Variants in PRKAG2 observed in about 807,000 individuals in gnomAD.
PRKAG2 encodes the protein protein kinase AMP-activated non-catalytic subunit gamma 2, also known as 5'-AMP-activated protein kinase subunit gamma-2.
PRKAG2 carries 26 observed loss-of-function variants against 69.6 expected under a neutral mutation model. The ratio of observed to expected loss-of-function variants is 0.37; its 90% CI spans 0.27 to 0.52. The LOEUF is 0.52. PRKAG2 is among the 20% of genes least tolerant of loss of function. The pLI is 0.90. For synonymous variants in PRKAG2, 293 were observed against 285.0 expected (o/e 1.03, Z -0.28); for missense variants, 557 against 740.0 (o/e 0.75, Z 2.87).
In PRKAG2 at chr7:151,777,424, G is replaced by T. The variant is rs1486833051; in HGVS notation, c.466+3728C>A. Among the ~76,000 whole-genome samples, 2 of 152,162 alleles carry T rather than the reference G, an allele frequency of 1.3e-5. No individual in the cohort carries two copies. The highest frequency in any genetic ancestry group is 4.8e-5 in the African/African-American group (2 of 41,412). On this transcript the variant is annotated intron_variant, in intron 3 of 15. Transcript: ENST00000287878. The surrounding 1 kb of genome is among the most constrained non-coding windows in gnomAD (Gnocchi z 4.3). ...GGTGGGGCCCCGTGGGAGGTGTTTG[G>T]GTCCTGGGGGCAGATGCCTCATGAA...
intron 14 of PRKAG2, among the ~76,000 whole-genome samples, chr7:151,562,050 G>A (rs1017934248): frequency 7.9e-5 from 12 of 151,406 alleles, no homozygotes; most frequent in Admixed American, 6.6e-5. Flanking sequence ...CTCGAGACCA[G>A]CCTGACCAAC....
At chr7:151,744,073 A>AC (rs2151719468) in intron 3 of PRKAG2, among the ~76,000 whole-genome samples, 1 of 152,226 alleles carries the variant, frequency 6.6e-6, no homozygotes, top group East Asian at 1.9e-4. Flanking sequence ...GAGCACGGTC[A>AC]CCCCTGCTTC....
At chr7:151,609,653 G>C (rs370214947) in intron 5 of PRKAG2, among the ~76,000 whole-genome samples, 2 of 152,064 alleles carry the variant, frequency 1.3e-5, no homozygotes, top group Admixed American at 6.5e-5. Flanking sequence ...TAGACGCCCC[G>C]AGAAGCAGAG....
In PRKAG2 at chr7:151,836,664, G is replaced by A. The variant is rs994411370; in HGVS notation, c.114+39843C>T. 1.3e-5 allele frequency among the ~76,000 whole-genome samples: 2 copies of A among 152,136 alleles called. No individual in the cohort carries two copies. Among genetic ancestry groups the A allele is most frequent in the South Asian group, 2.1e-4 (1 of 4,820 alleles). On this transcript the variant is annotated intron_variant, in intron 1 of 15. Coordinates refer to ENST00000287878, the MANE Select transcript of PRKAG2 (RefSeq NM_016203.4). The surrounding 1 kb of genome is among the most constrained non-coding windows in gnomAD (Gnocchi z 4.1). Reference sequence around the variant, plus strand: ...CCTCCTGTCTGGGTGCAGCCTTAGCGGGGCACAGGAGGGCGTGTATGCGGG... The same window carrying A: ...CCTCCTGTCTGGGTGCAGCCTTAGCAGGGCACAGGAGGGCGTGTATGCGGG...
At chr7:151,812,128 G>A (rs1286021076) in intron 1 of PRKAG2, among the ~76,000 whole-genome samples, 2 of 152,176 alleles carry the variant, frequency 1.3e-5, no homozygotes, top group Admixed American at 6.5e-5. Context: ...AAGAGGTAAC[G>A]TAGAGACAGA....
At chr7:151,863,985 C>T (rs1290093142) in intron 1 of PRKAG2, among the ~76,000 whole-genome samples, 1 of 152,072 alleles carries the variant, frequency 6.6e-6, no homozygotes, top group African/African-American at 2.4e-5. Flanking sequence ...AACTCTATGC[C>T]TGCATGCCTC....
chr7:151,584,998 G>C (rs900103118), intron 6 of PRKAG2, among the ~76,000 whole-genome samples: 1 of 152,152 alleles, frequency 6.6e-6, no homozygotes, highest in Admixed American at 6.5e-5. Context: ...CACCTGCCCG[G>C]CACCATGAAC....
intron 3 of PRKAG2, among the ~76,000 whole-genome samples, chr7:151,725,127 C>T (rs190194764): frequency 1.6e-4 from 24 of 152,172 alleles, no homozygotes; most frequent in Non-Finnish European, 2.4e-4. Context: ...AAAGAGCAGG[C>T]GAGAAGCAAC....
At position 151,557,209 on chromosome 7, in the gene PRKAG2, T is replaced by C; in HGVS notation, c.1702A>G (p.Thr568Ala). ...PAGAKQKETE[T>A]E ...GTCTACATTCACGGCGGTCACTCCG[T>C]TTCTGTCTCCTTTTGTTTGGCACCT... Residue 568 changes from threonine (T) to alanine (A), a missense_variant, in exon 16 of 16, where the codon ACG becomes GCG. Around this residue, in one of 2 missense-constraint regions of PRKAG2, gnomAD observed 205 missense variants for 383.4 expected, o/e 0.53. Coordinates refer to ENST00000287878, the MANE Select transcript of PRKAG2 (RefSeq NM_016203.4). The C allele has an allele frequency of 1.9e-6, 3 of 1,614,188 alleles. No homozygotes were observed. Among genetic ancestry groups the C allele is most frequent in the East Asian group, 2.2e-5 (1 of 44,884 alleles).
chr7:151,753,973 C>A (rs1222003037), intron 3 of PRKAG2, among the ~76,000 whole-genome samples: 1 of 152,056 alleles, frequency 6.6e-6, no homozygotes, highest in Non-Finnish European at 1.5e-5. Context: ...GAACTGTGAT[C>A]GCACCACTGC....
chr7:151,556,921 G>GAA lies in PRKAG2; in HGVS notation c.*278_*279dup. Reference sequence around the variant, plus strand: ...TCCATACCAGTGAATTCTTTGAAATGAAAAATAATGAAAACTTCAGGACAC... The same window carrying GAA: ...TCCATACCAGTGAATTCTTTGAAATGAAAAAAATAATGAAAACTTCAGGACAC... On this transcript the variant is annotated 3_prime_UTR_variant, in exon 16 of 16. Coordinates refer to ENST00000287878, the MANE Select transcript of PRKAG2 (RefSeq NM_016203.4). The GAA allele has an allele frequency of 2.1e-6, 1 of 467,918 alleles. No individual in the cohort carries two copies. The highest frequency in any genetic ancestry group is 3.9e-6 in the Non-Finnish European group (1 of 257,366). 29.0% of individuals were successfully genotyped at this position (467,918 alleles called of 1,614,324 possible).
At chr7:151,726,282 C>T (rs1797933218) in intron 3 of PRKAG2, among the ~76,000 whole-genome samples, 1 of 151,820 alleles carries the variant, frequency 6.6e-6, no homozygotes, top group South Asian at 2.1e-4. Context: ...CGGATGGTGG[C>T]AGAAGAGAGC....
intron 11 of PRKAG2, 91 bp from the exon 12 acceptor site, chr7:151,565,976 C>T: frequency 6.9e-7 from 1 of 1,446,478 alleles, no homozygotes; most frequent in South Asian, 1.2e-5. Context: ...GTATGTCCAA[C>T]AAATTAAAGT....
At chr7:151,776,701 G>A (rs890936043) in intron 3 of PRKAG2, among the ~76,000 whole-genome samples, 1 of 152,248 alleles carries the variant, frequency 6.6e-6, no homozygotes, top group African/African-American at 2.4e-5. Context: ...CAGGCCTGGA[G>A]GAAGGCGCAG....
intron 4 of PRKAG2, among the ~76,000 whole-genome samples, chr7:151,670,628 C>A (rs1028032155): frequency 2.0e-5 from 3 of 152,196 alleles, no homozygotes; most frequent in African/African-American, 7.2e-5. Context: ...TTCTATCACA[C>A]TCCATTGTAA....
intron 1 of PRKAG2, among the ~76,000 whole-genome samples, chr7:151,864,068 G>C (rs1273526072): frequency 6.6e-6 from 1 of 152,178 alleles, no homozygotes; most frequent in African/African-American, 2.4e-5. Context: ...AGAGAGGAGG[G>C]AGGTGATAGA....
intron 3 of PRKAG2, among the ~76,000 whole-genome samples, chr7:151,733,048 G>C (rs969909048): frequency 3.3e-5 from 5 of 152,196 alleles, no homozygotes; most frequent in Non-Finnish European, 7.3e-5. Context: ...AAATGGGTAA[G>C]GTTTAGACAG....
At chr7:151,575,830 T>TCAACAA (rs34796784) in intron 7 of PRKAG2, among the ~76,000 whole-genome samples, 29 of 140,224 alleles carry the variant, frequency 2.1e-4, no homozygotes, top group Non-Finnish European at 2.9e-4. Flanking sequence ...TAAAAGAAAT[T>TCAACAA]CAACAACAAC....
intron 1 of PRKAG2, chr7:151,837,342 A>T (rs112055421): frequency 6.5e-6 from 1 of 153,082 alleles, no homozygotes; most frequent in Non-Finnish European, 1.5e-5. Flanking sequence ...GGGGTCAATT[A>T]TGGGGGAGGG....
Sources: allele counts gnomAD v4.1 joint callset (sites outside exome capture counted in the v4.1 genomes callset), GRCh38; gene constraint gnomAD v4.1.1; regional missense constraint gnomAD v4.1.1; non-coding constraint Gnocchi (gnomAD v3.1); transcripts MANE v1.5; gene names NCBI Gene and HGNC (gene_info 2026-07-23, HGNC 2026-07-21).